The following PRDM5 variants were observed in gnomAD, a reference collection of about 807,000 sequenced individuals.
PRDM5 encodes the protein PR/SET domain 5.
In PRDM5, 56 loss-of-function variants were observed where a neutral mutation model predicts 81.2. The ratio of observed to expected loss-of-function variants is 0.69; its 90% CI spans 0.56 to 0.86. The LOEUF (loss-of-function observed/expected upper bound fraction) is 0.86, where lower values mean the gene tolerates loss of function less well. Ranked by LOEUF, PRDM5 falls within the 40% of genes least tolerant of loss-of-function variation. The pLI is 0.00. For synonymous variants in PRDM5, 267 were observed against 256.4 expected, an observed-to-expected ratio of 1.04 and a Z score of -0.39; for missense variants, 697 against 770.1, an observed-to-expected ratio of 0.91 and a Z score of 1.12.
intron 14 of PRDM5, among the ~76,000 whole-genome samples, chr4:120,745,358 T>G (rs1742827857): frequency 8.4e-6 from 1 of 119,714 alleles, no homozygotes; most frequent in Admixed American, 8.9e-5. Flanking sequence ...AGCATTCCCT[T>G]TGAAAACTGG....
At chr4:120,749,204 C>G (rs1204904230) in intron 14 of PRDM5, among the ~76,000 whole-genome samples, 1 of 141,226 alleles carries the variant, frequency 7.1e-6, no homozygotes, top group East Asian at 2.1e-4. Context: ...AACTAAATGT[C>G]AAAAAAAAAA....
At chr4:120,754,803 G>A (rs564479909) in intron 13 of PRDM5, among the ~76,000 whole-genome samples, 165 bp from the exon 14 acceptor site, 1 of 152,342 alleles carries the variant, frequency 6.6e-6, no homozygotes, top group South Asian at 2.1e-4. Flanking sequence ...GGTCGTGCAG[G>A]ACAGCAGTGG....
chr4:120,730,236 G>A (rs1184455198), intron 14 of PRDM5, among the ~76,000 whole-genome samples: 4 of 152,092 alleles, frequency 2.6e-5, no homozygotes, highest in South Asian at 2.1e-4. Flanking sequence ...TTATATCTAT[G>A]TCATAGCATT....
chr4:120,776,692 G>C (rs1375632118), intron 13 of PRDM5, among the ~76,000 whole-genome samples: 8 of 152,114 alleles, frequency 5.3e-5, no homozygotes, highest in Non-Finnish European at 1.0e-4. Flanking sequence ...AATTACACAG[G>C]AAGTGCTAAG....
intron 13 of PRDM5, among the ~76,000 whole-genome samples, chr4:120,774,913 T>C (rs1169237618): frequency 6.8e-6 from 1 of 148,036 alleles, no homozygotes; most frequent in Non-Finnish European, 1.5e-5. Flanking sequence ...TATATGTATA[T>C]GTATATGTAT....
At chr4:120,832,632 C>G (rs1578913745) in intron 3 of PRDM5, among the ~76,000 whole-genome samples, 1 of 152,098 alleles carries the variant, frequency 6.6e-6, no homozygotes, top group East Asian at 1.9e-4. Context: ...CCTGATGTGA[C>G]ACTTTGCTCA....
intron 3 of PRDM5, among the ~76,000 whole-genome samples, chr4:120,830,447 A>G (rs1756574717): frequency 6.6e-6 from 1 of 152,160 alleles, no homozygotes; most frequent in South Asian, 2.1e-4. Context: ...GGACAGAGTC[A>G]TAGCCTCTGG....
intron 3 of PRDM5, among the ~76,000 whole-genome samples, chr4:120,826,300 G>A (rs1271184618): frequency 6.6e-6 from 1 of 152,106 alleles, no homozygotes; most frequent in African/African-American, 2.4e-5. Flanking sequence ...TTGGCCCCTT[G>A]CTATAACTCC....
chr4:120,870,302 A>T (rs1338474683), intron 2 of PRDM5, among the ~76,000 whole-genome samples: 1 of 152,228 alleles, frequency 6.6e-6, no homozygotes, highest in Non-Finnish European at 1.5e-5. Flanking sequence ...ATTACTCCAA[A>T]AATCATTAAG....
At chr4:120,736,829 G>C (rs921703847) in intron 14 of PRDM5, among the ~76,000 whole-genome samples, 2 of 152,206 alleles carry the variant, frequency 1.3e-5, no homozygotes, top group African/African-American at 2.4e-5. Flanking sequence ...CTCTGGCACA[G>C]TGACATATTA....
chr4:120,739,636 C>T (rs1026402417), intron 14 of PRDM5, among the ~76,000 whole-genome samples: 1 of 151,802 alleles, frequency 6.6e-6, no homozygotes, highest in Non-Finnish European at 1.5e-5. Context: ...AATTAACCAA[C>T]CCAAAAAATT....
intron 2 of PRDM5, among the ~76,000 whole-genome samples, chr4:120,878,485 T>A (rs1762539056): frequency 6.6e-6 from 1 of 152,084 alleles, no homozygotes; most frequent in African/African-American, 2.4e-5. Flanking sequence ...CATAGGAAAA[T>A]ATCTAGGTAA....
chr4:120,868,372 C>A (rs915593458), intron 2 of PRDM5, among the ~76,000 whole-genome samples: 2 of 152,206 alleles, frequency 1.3e-5, no homozygotes, highest in African/African-American at 4.8e-5. Context: ...GTAATGCTAG[C>A]TAGGTAGGAT....
chr4:120,777,581 G>A (rs1182558420), intron 12 of PRDM5, among the ~76,000 whole-genome samples: 2 of 151,992 alleles, frequency 1.3e-5, no homozygotes, highest in Non-Finnish European at 2.9e-5. Flanking sequence ...TCTAGCAAAA[G>A]CACATAATCA....
chr4:120,748,037 T>C (rs1743401984), intron 14 of PRDM5, among the ~76,000 whole-genome samples: 1 of 152,258 alleles, frequency 6.6e-6, no homozygotes, highest in African/African-American at 2.4e-5. Context: ...TATGAGCTTG[T>C]GTCCTAACTC....
intron 7 of PRDM5, among the ~76,000 whole-genome samples, chr4:120,814,736 T>C (rs1754269709): frequency 6.6e-6 from 1 of 152,206 alleles, no homozygotes; most frequent in African/African-American, 2.4e-5. Context: ...TTTCCTCCAA[T>C]GCCTGTGCAG....
chr4:120,758,144 C>A (rs573443949), intron 13 of PRDM5, among the ~76,000 whole-genome samples: 56 of 152,254 alleles, frequency 3.7e-4, no homozygotes, highest in South Asian at 3.3e-3. Flanking sequence ...TGGTCTCTTG[C>A]AAATGGCATA....
chr4:120,847,636 T>C (rs868584490), intron 3 of PRDM5, among the ~76,000 whole-genome samples: 19 of 152,330 alleles, frequency 1.2e-4, no homozygotes, highest in Middle Eastern at 3.4e-3. Flanking sequence ...TCATACTGCA[T>C]GTTTGTTATT....
At chr4:120,892,859 C>T (rs556473574) in intron 2 of PRDM5, among the ~76,000 whole-genome samples, 1 of 151,974 alleles carries the variant, frequency 6.6e-6, no homozygotes, top group African/African-American at 2.4e-5. Context: ...TGGGGGCTCC[C>T]ACCCTACCAT....
Sources: allele counts gnomAD v4.1 joint callset (sites outside exome capture counted in the v4.1 genomes callset), GRCh38; gene constraint gnomAD v4.1.1; transcripts MANE v1.5; gene names NCBI Gene and HGNC (gene_info 2026-07-23, HGNC 2026-07-21).